Variants in DCDC1 observed in about 807,000 individuals in gnomAD.
The protein encoded by DCDC1 is doublecortin domain containing 1.
DCDC1 carries 200 observed loss-of-function variants against 178.3 expected under a neutral mutation model. The ratio of observed to expected loss-of-function variants is 1.12; its 90% CI spans 1.00 to 1.26. The LOEUF (loss-of-function observed/expected upper bound fraction) is 1.26. DCDC1 is among the 50% of genes most tolerant of loss of function. The pLI, the probability that DCDC1 is intolerant of heterozygous loss-of-function variation, is 0.00. For missense variants in DCDC1, 1,983 were observed against 1,749.2 expected (o/e 1.13, Z -2.38); for synonymous variants, 690 against 604.8 (o/e 1.14, Z -2.07).
chr11:31,334,951 C>T (rs1349237968), intron 2 of DCDC1, among the ~76,000 whole-genome samples: 3 of 152,124 alleles, frequency 2.0e-5, no homozygotes, highest in South Asian at 2.1e-4. Context: ...CAGACGGGGA[C>T]GTTTAAGTCT....
chr11:31,138,592 C>A (rs1330880625), intron 9 of DCDC1, among the ~76,000 whole-genome samples: 1 of 152,190 alleles, frequency 6.6e-6, no homozygotes, highest in Non-Finnish European at 1.5e-5. Context: ...TAGCAACGGA[C>A]TTGCCATACC....
intron 34 of DCDC1, among the ~76,000 whole-genome samples, chr11:30,897,490 G>A (rs1944320919): frequency 6.7e-6 from 1 of 149,024 alleles, no homozygotes; most frequent in Non-Finnish European, 1.5e-5. Flanking sequence ...GGCTGAGACA[G>A]GAGAATGGCG....
At chr11:30,929,648 A>AAT (rs1457869571) in intron 22 of DCDC1, among the ~76,000 whole-genome samples, 3 of 152,160 alleles carry the variant, frequency 2.0e-5, no homozygotes, top group African/African-American at 7.2e-5. Context: ...ACTAATAAGT[A>AAT]ATATATATAT....
chr11:31,256,188 A>G (rs1203552812), intron 8 of DCDC1, among the ~76,000 whole-genome samples: 2 of 152,170 alleles, frequency 1.3e-5, no homozygotes, highest in Non-Finnish European at 2.9e-5. Context: ...CTATATGCCT[A>G]TCCTTATGCC....
intron 1 of DCDC1, among the ~76,000 whole-genome samples, chr11:31,337,867 T>C (rs568990582): frequency 2.0e-5 from 3 of 152,156 alleles, no homozygotes; most frequent in Non-Finnish European, 4.4e-5. Flanking sequence ...TGGGATTAGC[T>C]ATAGACTGGA....
At chr11:31,146,464 G>A (rs1964467799) in intron 9 of DCDC1, among the ~76,000 whole-genome samples, 1 of 152,144 alleles carries the variant, frequency 6.6e-6, no homozygotes. Flanking sequence ...TACTTAAGGT[G>A]CAACATGGAA....
intron 8 of DCDC1, among the ~76,000 whole-genome samples, chr11:31,255,170 T>A (rs549800941): frequency 6.6e-6 from 1 of 152,360 alleles, no homozygotes; most frequent in South Asian, 2.1e-4. Context: ...TATACTACCA[T>A]TTGTTCCTAC....
At chr11:31,293,229 C>T (rs1051595184) in intron 6 of DCDC1, among the ~76,000 whole-genome samples, 8 of 152,170 alleles carry the variant, frequency 5.3e-5, no homozygotes, top group South Asian at 2.1e-4. Flanking sequence ...AGTCAGGGTC[C>T]AATCAGGAAT....
chr11:31,006,823 G>A (rs1198523383), intron 20 of DCDC1, among the ~76,000 whole-genome samples: 1 of 152,158 alleles, frequency 6.6e-6, no homozygotes, highest in Non-Finnish European at 1.5e-5. Context: ...AGAGCTCTCT[G>A]AGATTATTGT....
chr11:30,897,523 C>T (rs1386776212), intron 34 of DCDC1, among the ~76,000 whole-genome samples: 1 of 133,464 alleles, frequency 7.5e-6, no homozygotes, highest in Non-Finnish European at 1.5e-5. Flanking sequence ...GCGGAGCTTG[C>T]AGTGAGCTGA....
chr11:30,874,780 A>G (rs1439914334), intron 38 of DCDC1, among the ~76,000 whole-genome samples: 1 of 152,144 alleles, frequency 6.6e-6, no homozygotes, highest in Non-Finnish European at 1.5e-5. Context: ...CACCTGAGCT[A>G]AAACCCTAAT....
chr11:31,121,352 A>AT (rs548684321), intron 11 of DCDC1, among the ~76,000 whole-genome samples: 2,026 of 148,468 alleles, frequency 0.014, 30 homozygotes, highest in Middle Eastern at 0.058. Context: ...TTATGTTTCC[A>AT]TTTTTTTTTA....
intron 8 of DCDC1, among the ~76,000 whole-genome samples, chr11:31,257,231 T>C (rs920312514): frequency 2.0e-5 from 3 of 152,188 alleles, no homozygotes; most frequent in Non-Finnish European, 4.4e-5. Flanking sequence ...CTATGTTATA[T>C]TAAACTGCAT....
intron 20 of DCDC1, among the ~76,000 whole-genome samples, chr11:30,957,069 C>T (rs1948812275): frequency 6.6e-6 from 1 of 152,176 alleles, no homozygotes; most frequent in African/African-American, 2.4e-5. Context: ...CTCTGCCTGC[C>T]CTCCTGCCCT....
chr11:31,287,492 A>G (rs900779572), intron 7 of DCDC1, among the ~76,000 whole-genome samples: 15 of 151,992 alleles, frequency 9.9e-5, no homozygotes, highest in African/African-American at 3.6e-4. Context: ...CAAACTGAAA[A>G]GACATCCTGA....
chr11:31,084,989 G>A (rs1310244503), intron 17 of DCDC1, among the ~76,000 whole-genome samples: 1 of 151,232 alleles, frequency 6.6e-6, no homozygotes, highest in Non-Finnish European at 1.5e-5. Flanking sequence ...CCTAGTGAGA[G>A]TCCTGGGCAT....
At chr11:31,240,412 T>C (rs75725671) in intron 9 of DCDC1, among the ~76,000 whole-genome samples, 2,648 of 152,106 alleles carry the variant, frequency 0.017, 34 homozygotes, top group South Asian at 0.044. Flanking sequence ...GAAGTTTTCT[T>C]GGGAAGATGT....
chr11:31,222,565 C>T (rs188854103), intron 9 of DCDC1, among the ~76,000 whole-genome samples: 185 of 152,280 alleles, frequency 1.2e-3, no homozygotes, highest in African/African-American at 4.3e-3. Flanking sequence ...TCAGCTCAGG[C>T]TGCTATAACA....
At chr11:31,211,462 G>A (rs748530642) in intron 9 of DCDC1, among the ~76,000 whole-genome samples, 18 of 152,084 alleles carry the variant, frequency 1.2e-4, no homozygotes, top group Admixed American at 2.0e-4. Context: ...CATCCCACCT[G>A]CACTGTTTTA....
Sources: gnomAD v4.1 joint callset for allele counts (sites outside exome capture counted in the v4.1 genomes callset) on GRCh38, gnomAD v4.1.1 for gene constraint, MANE v1.5 for transcripts, NCBI Gene and HGNC (gene_info 2026-07-23, HGNC 2026-07-21) for gene names.